PLCXD3: variants seen among roughly 807,000 people sequenced by gnomAD.
The protein encoded by PLCXD3 is phosphatidylinositol specific phospholipase C X domain containing 3.
In PLCXD3, 19 loss-of-function variants were observed where a neutral mutation model predicts 25.5. The observed-to-expected ratio is 0.75, with a 90% CI of 0.52 to 1.09. The LOEUF is 1.09. Among genes scored for constraint, PLCXD3 ranks in the 50% least tolerant of loss-of-function variants. The probability of loss-of-function intolerance (pLI) is 0.00; values close to 1 mark genes in which losing one functional copy is unlikely to be tolerated. For missense variants in PLCXD3, 411 were observed against 388.1 expected (o/e 1.06, Z -0.50); for synonymous variants, 174 against 137.6 (o/e 1.26, Z -1.85).
intron 2 of PLCXD3, among the ~76,000 whole-genome samples, chr5:41,354,228 C>T (rs1744554526): frequency 6.6e-6 from 1 of 152,208 alleles, no homozygotes; most frequent in Non-Finnish European, 1.5e-5. Flanking sequence ...GCCCGGACTT[C>T]TCTCTGGATG....
intron 2 of PLCXD3, among the ~76,000 whole-genome samples, chr5:41,331,783 A>G (rs1330399681): frequency 6.6e-6 from 1 of 152,210 alleles, no homozygotes; most frequent in Non-Finnish European, 1.5e-5. Context: ...CTCAGAAATA[A>G]TGCCACATAT....
chr5:41,399,130 A>AGCTTAACC (rs1746101523), intron 1 of PLCXD3, among the ~76,000 whole-genome samples: 3 of 152,274 alleles, frequency 2.0e-5, no homozygotes, highest in Admixed American at 6.5e-5. Context: ...CCTAGGAATT[A>AGCTTAACC]GCTTAACCAA....
Position 41,382,461 on chromosome 5 carries a change from C to G in PLCXD3, c.177G>C (p.Gln59His). 6.2e-7 allele frequency: 1 copy of G among 1,612,738 alleles called. No homozygotes were observed. Among genetic ancestry groups the G allele is most frequent in the Non-Finnish European group, 8.5e-7 (1 of 1,179,660 alleles). ...PVGPEQPETVQNFVSVFGTVA... is the reference protein window; with the variant it reads ...PVGPEQPETVHNFVSVFGTVA... ...CAGTTCCAAACACAGAGACAAAATT[C>G]TGGACAGTTTCTGGCTGCTCAGGAC... The change falls in exon 2 of 3, where the codon CAG (glutamine) becomes CAC (histidine). Residue 59 changes from glutamine to histidine, a missense_variant. By Grantham distance (24) the Gln-to-His change is conservative (BLOSUM62 0). Transcript: ENST00000377801.
chr5:41,502,889 G>C (rs1033194042), intron 1 of PLCXD3, among the ~76,000 whole-genome samples: 1 of 152,186 alleles, frequency 6.6e-6, no homozygotes, highest in African/African-American at 2.4e-5. Flanking sequence ...ATGAGGACAT[G>C]AAAGGGTGAT....
chr5:41,428,135 T>C (rs1409888558), intron 1 of PLCXD3, among the ~76,000 whole-genome samples: 2 of 152,134 alleles, frequency 1.3e-5, no homozygotes, highest in Non-Finnish European at 2.9e-5. Flanking sequence ...GTACCCCAAC[T>C]ATCATGGCAT....
intron 1 of PLCXD3, among the ~76,000 whole-genome samples, chr5:41,429,587 C>G (rs1747044001): frequency 6.6e-6 from 1 of 152,028 alleles, no homozygotes; most frequent in African/African-American, 2.4e-5. Flanking sequence ...TCAAAATCAT[C>G]TTGAATGTGG....
At chr5:41,396,378 C>T (rs1482131853) in intron 1 of PLCXD3, among the ~76,000 whole-genome samples, 1 of 152,188 alleles carries the variant, frequency 6.6e-6, no homozygotes, top group East Asian at 1.9e-4. Context: ...GATTCCCCTT[C>T]ACCCTCCACA....
chr5:41,488,705 T>G (rs200079361), intron 1 of PLCXD3, among the ~76,000 whole-genome samples: 1 of 147,080 alleles, frequency 6.8e-6, no homozygotes, highest in Admixed American at 6.6e-5. Flanking sequence ...TTTCATGTGG[T>G]TTTTGGCTGC....
chr5:41,419,278 C>T (rs980217391), intron 1 of PLCXD3, among the ~76,000 whole-genome samples: 2 of 152,138 alleles, frequency 1.3e-5, no homozygotes, highest in Non-Finnish European at 1.5e-5. Context: ...ATCAAAGCTT[C>T]CTATCATCAG....
At chr5:41,435,507 C>T (rs561927073) in intron 1 of PLCXD3, among the ~76,000 whole-genome samples, 1 of 152,290 alleles carries the variant, frequency 6.6e-6, no homozygotes, top group East Asian at 1.9e-4. Context: ...ATGTGGTGCA[C>T]AGTGCACTGG....
intron 2 of PLCXD3, among the ~76,000 whole-genome samples, chr5:41,362,194 T>C (rs187006874): frequency 6.5e-4 from 99 of 152,360 alleles, no homozygotes; most frequent in Non-Finnish European, 1.1e-3. Context: ...TTCTTTTTCA[T>C]TTTGTAGTTA....
chr5:41,350,613 G>A (rs1744432076), intron 2 of PLCXD3, among the ~76,000 whole-genome samples: 2 of 152,042 alleles, frequency 1.3e-5, no homozygotes, highest in East Asian at 1.9e-4. Context: ...ATACAATAGG[G>A]TATTCTGAGC....
chr5:41,401,118 G>A (rs1203175928), intron 1 of PLCXD3, among the ~76,000 whole-genome samples: 2 of 151,906 alleles, frequency 1.3e-5, no homozygotes, highest in Non-Finnish European at 2.9e-5. Context: ...TTAGTTCTGA[G>A]AGCTCTTCTG....
In PLCXD3 at chr5:41,475,744, T is replaced by G. The variant is rs149824778; in HGVS notation, c.103+34680A>C. On this transcript the variant is annotated intron_variant, in intron 1 of 2. Coordinates refer to ENST00000377801, the MANE Select transcript of PLCXD3 (RefSeq NM_001005473.3). ...TGAGACTGTCATTACAAGAGTTACT[T>G]CTGTTACTACTTGAGACCATCATTA... The G allele has an allele frequency of 6.2e-4, 331 of 534,504 alleles. 3 individuals are homozygous for G. The East Asian group carries it at 0.013, about 20-fold the overall frequency. The allele number at this position is 534,504 out of a possible 1,614,324, so 33.1% of individuals were successfully genotyped here. A position where few individuals can be genotyped will look rare whatever the true frequency, so the allele number is the denominator to read the frequency against.
intron 1 of PLCXD3, among the ~76,000 whole-genome samples, chr5:41,465,239 A>G (rs2150518197): frequency 2.0e-5 from 3 of 151,838 alleles, no homozygotes; most frequent in Middle Eastern, 6.8e-3. Flanking sequence ...GTAAATCCAC[A>G]GTAGTTTCAT....
At chr5:41,343,277 T>C (rs959568858) in intron 2 of PLCXD3, among the ~76,000 whole-genome samples, 2 of 152,068 alleles carry the variant, frequency 1.3e-5, no homozygotes, top group African/African-American at 2.4e-5. Context: ...AAAATTATGA[T>C]TTTTTCCTTC....
intron 1 of PLCXD3, among the ~76,000 whole-genome samples, chr5:41,407,999 T>C (rs1278097769): frequency 3.9e-4 from 59 of 152,162 alleles, no homozygotes; most frequent in Non-Finnish European, 5.9e-5. Context: ...AGTAGAGAAG[T>C]TCAGTATTCA....
chr5:41,313,910 A>G (rs1025511869), intron 2 of PLCXD3, 140 bp from the exon 3 acceptor site: 1 of 956,560 alleles, frequency 1.0e-6, no homozygotes, highest in Non-Finnish European at 1.5e-6. Flanking sequence ...AAAAGGCCAA[A>G]TGGACTCTGG....
intron 1 of PLCXD3, among the ~76,000 whole-genome samples, chr5:41,429,964 T>G (rs1747057299): frequency 6.6e-6 from 1 of 152,148 alleles, no homozygotes; most frequent in African/African-American, 2.4e-5. Context: ...CACCTATTTA[T>G]ATAGCAGAGC....
Sources: allele counts gnomAD v4.1 joint callset (sites outside exome capture counted in the v4.1 genomes callset), GRCh38; gene constraint gnomAD v4.1.1; transcripts MANE v1.5; gene names NCBI Gene and HGNC (gene_info 2026-07-23, HGNC 2026-07-21).